MCM3AP: variants seen among roughly 807,000 people sequenced by gnomAD.
The protein encoded by MCM3AP is minichromosome maintenance complex component 3 associated protein.
MCM3AP carries 126 observed loss-of-function variants against 184.1 expected under a neutral mutation model. That is an observed-to-expected ratio of 0.68 (90% CI 0.59 to 0.79). MCM3AP has a LOEUF of 0.79. MCM3AP is among the 30% of genes least tolerant of loss of function. The pLI is 0.00. For missense variants in MCM3AP, 2,496 were observed against 2,479.2 expected, an observed-to-expected ratio of 1.01 and a Z score of -0.14; for synonymous variants, 1,002 against 979.3, an observed-to-expected ratio of 1.02 and a Z score of -0.43.
chr21:46,272,666 TTCAGG>T lies in MCM3AP; in HGVS notation c.2355_2359del (p.Ser785ArgfsTer46). 6.2e-7 allele frequency: 1 copy of T among 1,614,190 alleles called. No individual in the cohort carries two copies. The highest frequency in any genetic ancestry group is 8.5e-7 in the Non-Finnish European group (1 of 1,180,016). On this transcript the variant is annotated frameshift_variant, in exon 8 of 28. Coordinates refer to ENST00000291688, the MANE Select transcript of MCM3AP (RefSeq NM_003906.5). LOFTEE classifies it high-confidence loss of function. ...GTTTCTCAGGTCCTGGTACATCTCC[TTCAGG>T]CTCTGCAGGCACTTGGTCATGTTCT...
Position 46,267,001 on chromosome 21 carries a change from C to A in MCM3AP, c.2770G>T (p.Gly924Cys). ...TCTTACCCGTCGGAAACGGTGAGGC[C>A]GTGGCAGGTGAGGAAGTCGGTGGCC... ...EEATDFLTCH[G>C]LTVSDGCVEL... Residue 924 changes from glycine to cysteine, a missense_variant, in exon 10 of 28, where the codon GGC becomes TGC. Physicochemically the swap from Gly to Cys is radical, Grantham distance 159 (BLOSUM62 -3). Transcript: ENST00000291688. The A allele has an allele frequency of 1.9e-6, 3 of 1,614,120 alleles. No individual in the cohort carries two copies. Among genetic ancestry groups the A allele is most frequent in the Non-Finnish European group, 2.5e-6 (3 of 1,180,032 alleles).
chr21:46,270,630 T>A (rs1028112027), intron 8 of MCM3AP, 67 bp from the exon 9 acceptor site: 5 of 1,322,818 alleles, frequency 3.8e-6, no homozygotes, highest in African/African-American at 1.5e-5. Flanking sequence ...TTCATGAAGA[T>A]AGATCTGATA....
intron 2 of MCM3AP, among the ~76,000 whole-genome samples, chr21:46,282,349 G>A (rs1022368880): frequency 3.9e-5 from 6 of 151,964 alleles, no homozygotes; most frequent in Non-Finnish European, 1.5e-5. Context: ...TCAACAAAAC[G>A]TAGTCCATCC....
chr21:46,284,053 A>G lies in MCM3AP; in HGVS notation c.1219+15T>C, dbSNP rs544522039. ...CTGCAGGATTTACTCTATGTGCTAC[A>G]TTTTCAGAGCTCACCTTCTTTCTTC... is the stretch of plus-strand genomic sequence containing the variant. On this transcript the variant is annotated intron_variant, in intron 1 of 27. Coordinates refer to ENST00000291688, the MANE Select transcript of MCM3AP (RefSeq NM_003906.5). 1.6e-5 allele frequency: 25 copies of G among 1,605,894 alleles called. No individual in the cohort carries two copies. The highest frequency in any genetic ancestry group is 9.4e-5 in the African/African-American group (7 of 74,596).
intron 13 of MCM3AP, among the ~76,000 whole-genome samples, chr21:46,261,732 CA>C (rs58763611): frequency 0.27 from 29,463 of 110,530 alleles, 2,779 homozygotes; most frequent in African/African-American, 0.4. Flanking sequence ...GACTCTGTCT[CA>C]AAAAAAAAAA....
intron 26 of MCM3AP, among the ~76,000 whole-genome samples, chr21:46,239,180 T>TG (rs1363231347): frequency 1.3e-5 from 2 of 151,968 alleles, no homozygotes; most frequent in Non-Finnish European, 2.9e-5. Flanking sequence ...AGAGAGGAAA[T>TG]GGGGGGCAGA....
intron 25 of MCM3AP, 181 bp downstream of exon 25, chr21:46,242,621 G>A: frequency 2.0e-6 from 1 of 500,230 alleles, no homozygotes; most frequent in Non-Finnish European, 3.4e-6. Context: ...TAAATGAAGT[G>A]AGATGCTTTA....
At position 46,285,371 on chromosome 21, in the gene MCM3AP, G is replaced by T; in HGVS notation, c.-85C>A. ...CTGAAACAGCCTGTAGCACTAGGGA[G>T]TTCCCCTTCGTCTTTAGAACAAGCT... On this transcript the variant is annotated 5_prime_UTR_variant, in exon 1 of 28. Coordinates refer to ENST00000291688, the MANE Select transcript of MCM3AP (RefSeq NM_003906.5). The T allele has an allele frequency of 1.2e-6, 1 of 833,800 alleles. No individual in the cohort carries two copies. Among genetic ancestry groups the T allele is most frequent in the Non-Finnish European group, 2.0e-6 (1 of 510,996 alleles). The allele number at this position is 833,800 out of a possible 1,614,324, so 51.7% of individuals were successfully genotyped here.
At position 46,246,984 on chromosome 21, in the gene MCM3AP, A is replaced by C. The variant is rs923875837; in HGVS notation, c.4291-98T>G. 14 of 1,287,422 alleles carry C rather than the reference A, an allele frequency of 1.1e-5. No homozygotes were observed. In the African/African-American group the frequency reaches 1.6e-4, roughly 15 times the overall value. 79.7% of individuals were successfully genotyped at this position (1,287,422 alleles called of 1,614,324 possible). On this transcript the variant is annotated intron_variant, in intron 20 of 27. Coordinates refer to ENST00000291688, the MANE Select transcript of MCM3AP (RefSeq NM_003906.5). ...CAAGTGCAGCCAAAGCTCTCCGTGC[A>C]CTAAATACTGACTGTACTCCAGACA... is the stretch of plus-strand genomic sequence containing the variant.
intron 14 of MCM3AP, 137 bp downstream of exon 14, chr21:46,261,143 A>G: frequency 8.7e-7 from 1 of 1,149,538 alleles, no homozygotes; most frequent in South Asian, 1.4e-5. Context: ...GGGCTGAAGC[A>G]TAGGAGGGCA....
Position 46,254,652 on chromosome 21 carries a change from AGAAACCAAG to A in MCM3AP, c.4001+115_4001+123del, listed in dbSNP as rs1394472020. ...AGGTTCAGAGATTGAACTGCAAACT[AGAAACCAAG>A]TCTGGAGCTCATCGAAGAGACCTCA... On this transcript the variant is annotated intron_variant, in intron 18 of 27. Coordinates refer to ENST00000291688, the MANE Select transcript of MCM3AP (RefSeq NM_003906.5). 7 of 1,425,862 alleles carry A rather than the reference AGAAACCAAG, an allele frequency of 4.9e-6. No homozygotes were observed. The African/African-American group carries it at 8.4e-5, about 17-fold the overall frequency. The allele number at this position is 1,425,862 out of a possible 1,614,324, so 88.3% of individuals were successfully genotyped here. A position where few individuals can be genotyped will look rare whatever the true frequency, so the allele number is the denominator to read the frequency against.
chr21:46,278,685 T>C (rs571960930), intron 4 of MCM3AP, among the ~76,000 whole-genome samples: 3 of 152,206 alleles, frequency 2.0e-5, no homozygotes, highest in Admixed American at 2.0e-4. Flanking sequence ...ACAGCCTTTT[T>C]TTTTTTGAGA....
intron 26 of MCM3AP, among the ~76,000 whole-genome samples, chr21:46,239,871 G>C (rs1350616059): frequency 6.6e-6 from 1 of 152,128 alleles, no homozygotes; most frequent in Non-Finnish European, 1.5e-5. Context: ...CTAGGAGCAA[G>C]GAGGGGAGGA....
chr21:46,249,344 T>C (rs1392444238), intron 20 of MCM3AP, among the ~76,000 whole-genome samples: 2 of 152,122 alleles, frequency 1.3e-5, no homozygotes, highest in Non-Finnish European at 2.9e-5. Flanking sequence ...CACACCACCA[T>C]GCCCAGCTAA....
chr21:46,275,717 G>C (rs549637674), intron 5 of MCM3AP, among the ~76,000 whole-genome samples: 1 of 152,250 alleles, frequency 6.6e-6, no homozygotes, highest in East Asian at 1.9e-4. Context: ...TCATGGTGCA[G>C]GATGTTTACT....
At chr21:46,259,222 G>T in intron 15 of MCM3AP, 131 bp from the exon 16 acceptor site, 1 of 765,780 alleles carries the variant, frequency 1.3e-6, no homozygotes, top group Non-Finnish European at 2.1e-6. Flanking sequence ...TTGGAAGGCC[G>T]AAGCGGGTGG....
chr21:46,235,698 T>A (rs1277267467), intron 27 of MCM3AP, among the ~76,000 whole-genome samples: 6 of 152,208 alleles, frequency 3.9e-5, no homozygotes, highest in Non-Finnish European at 7.3e-5. Context: ...AACGCAGTGG[T>A]ATGATCGGAG....
rs2080710508 is a variant in MCM3AP, at chr21:46,243,512, T to G, written c.5249A>C (p.Asn1750Thr). 2 of 1,614,152 alleles carry G rather than the reference T, an allele frequency of 1.2e-6. No individual in the cohort carries two copies. The highest frequency in any genetic ancestry group is 2.7e-5 in the African/African-American group (2 of 75,076). The part of the protein sequence containing the change: ...PWDDLIALCI[N>T]HKLRDWTPPR... ...GGGCGTCCAGTCTCTCAGCTTGTGG[T>G]TGATACACAAGGCGATAAGATCATC... The change falls in exon 24 of 28, where the codon AAC becomes ACC. Residue 1750 changes from asparagine to threonine, a missense_variant. Asn to Thr is a moderately conservative substitution (Grantham distance 65, BLOSUM62 0). Transcript: ENST00000291688.
rs2081198452 is a variant in MCM3AP at position 46,272,794 on chromosome 21, C to T, written c.2232G>A (p.Thr744=). 3.1e-6 allele frequency: 5 copies of T among 1,608,236 alleles called. No individual in the cohort carries two copies. The highest frequency in any genetic ancestry group is 1.1e-5 in the South Asian group (1 of 90,316). The change falls in exon 8 of 28, where the codon ACG becomes ACA. Residue 744 remains threonine (T), a synonymous_variant. Transcript: ENST00000291688. The part of the protein sequence containing the change: ...ITQQHLCDPL[T]VSLIEKCTRF... ...GGGTGCACTTCTCAATCAGGGACAC[C>T]GTCAGGGGGTCACAGAGGTGCTGCT...
Sources: gnomAD v4.1 joint callset for allele counts (sites outside exome capture counted in the v4.1 genomes callset) on GRCh38, gnomAD v4.1.1 for gene constraint, MANE v1.5 for transcripts, NCBI Gene and HGNC (gene_info 2026-07-23, HGNC 2026-07-21) for gene names.